Variants in DOCK3 observed in about 807,000 individuals in gnomAD.
The protein encoded by DOCK3 is dedicator of cytokinesis 3.
A neutral mutation model predicts 265.6 loss-of-function variants in DOCK3; 60 were observed. The ratio of observed to expected loss-of-function variants is 0.23; its 90% confidence interval spans 0.18 to 0.28. The LOEUF (loss-of-function observed/expected upper bound fraction) is 0.28, where lower values mean the gene tolerates loss of function less well. Among genes scored for constraint, DOCK3 ranks in the 10% least tolerant of loss-of-function variants. The pLI is 1.00. For missense variants in DOCK3, 1,981 were observed against 2,594.3 expected (o/e 0.76, Z 5.14); for synonymous variants, 881 against 938.0 (o/e 0.94, Z 1.11).
At chr3:50,970,891 TTATATATATATATA>T (rs55749209) in intron 5 of DOCK3, among the ~76,000 whole-genome samples, 21 of 12,160 alleles carry the variant, frequency 1.7e-3, no homozygotes, top group Non-Finnish European at 2.5e-3. Flanking sequence ...CATCTAATTT[TTATATATATATATA>T]TATATATATA....
At chr3:51,142,543 C>G (rs2085110428) in intron 9 of DOCK3, among the ~76,000 whole-genome samples, 1 of 152,038 alleles carries the variant, frequency 6.6e-6, no homozygotes, top group Admixed American at 6.6e-5. Context: ...TTTTGAGATT[C>G]ATCCATATTA....
chr3:50,956,520 C>T (rs755490727), intron 5 of DOCK3, among the ~76,000 whole-genome samples: 22 of 152,332 alleles, frequency 1.4e-4, no homozygotes, highest in Admixed American at 3.9e-4. Flanking sequence ...TATACCACTA[C>T]ATACTTTTGT....
intron 12 of DOCK3, among the ~76,000 whole-genome samples, chr3:51,203,820 T>C (rs1207140693): frequency 1.3e-5 from 2 of 152,100 alleles, no homozygotes; most frequent in Admixed American, 1.3e-4. Flanking sequence ...AACAGAGATA[T>C]AGATCAATGG....
At chr3:51,297,260 G>A (rs895019308) in intron 27 of DOCK3, among the ~76,000 whole-genome samples, 13 of 151,926 alleles carry the variant, frequency 8.6e-5, no homozygotes, top group African/African-American at 3.1e-4. Flanking sequence ...AGAAAATGTA[G>A]TATATCTTGT....
intron 4 of DOCK3, among the ~76,000 whole-genome samples, chr3:50,917,372 G>C: frequency 6.6e-6 from 1 of 151,998 alleles, no homozygotes; most frequent in African/African-American, 2.4e-5. Flanking sequence ...GGTTAATTCA[G>C]TTGCTTTAAT....
At chr3:51,270,406 T>C (rs1303452799) in intron 23 of DOCK3, among the ~76,000 whole-genome samples, 8 of 152,216 alleles carry the variant, frequency 5.3e-5, no homozygotes, top group Non-Finnish European at 7.3e-5. Flanking sequence ...AACTCAGCTC[T>C]CTCTGCCATA....
At chr3:50,760,823 C>T (rs902351470) in intron 1 of DOCK3, among the ~76,000 whole-genome samples, 6 of 149,938 alleles carry the variant, frequency 4.0e-5, no homozygotes, top group Non-Finnish European at 7.4e-5. Context: ...TGCTCTGTCT[C>T]TCAGGCGGAG....
At chr3:50,927,989 T>A (rs1211350561) in intron 4 of DOCK3, among the ~76,000 whole-genome samples, 17 of 151,970 alleles carry the variant, frequency 1.1e-4, no homozygotes, top group Admixed American at 1.1e-3. Flanking sequence ...GGACTGTTTT[T>A]TTCCCCTGAC....
At chr3:51,250,144 G>C (rs969162214) in intron 22 of DOCK3, among the ~76,000 whole-genome samples, 2 of 151,660 alleles carry the variant, frequency 1.3e-5, no homozygotes, top group Non-Finnish European at 2.9e-5. Flanking sequence ...GCGGAAGGCC[G>C]CAGGGTCCTC....
At chr3:50,798,027 A>C (rs1488360701) in intron 2 of DOCK3, among the ~76,000 whole-genome samples, 1 of 152,246 alleles carries the variant, frequency 6.6e-6, no homozygotes, top group Non-Finnish European at 1.5e-5. Context: ...TGAACAGAGA[A>C]AGAATAGCTC....
At chr3:50,796,618 G>A (rs1025368252) in intron 2 of DOCK3, among the ~76,000 whole-genome samples, 21 of 152,332 alleles carry the variant, frequency 1.4e-4, no homozygotes, top group Non-Finnish European at 2.2e-4. Context: ...GATTACAGGC[G>A]TGAGCCACCG....
In DOCK3 at chr3:50,841,664, CT is replaced by C; in HGVS notation, c.122-8del. ...ATTGTGATTTTAATATTCTCTTATG[CT>C]TTGTTTTAGGTTGGTACAGAGGAGT... On this transcript the variant is annotated splice_polypyrimidine_tract_variant and intron_variant, in intron 2 of 52. Transcript: ENST00000266037. 7.5e-7 allele frequency: 1 copy of C among 1,329,316 alleles called. No homozygotes were observed. Among genetic ancestry groups the C allele is most frequent in the Non-Finnish European group, 1.0e-6 (1 of 1,000,974 alleles). 82.3% of individuals were successfully genotyped at this position (1,329,316 alleles called of 1,614,324 possible).
At chr3:51,154,522 T>C (rs1190177480) in intron 10 of DOCK3, among the ~76,000 whole-genome samples, 1 of 152,236 alleles carries the variant, frequency 6.6e-6, no homozygotes, top group Non-Finnish European at 1.5e-5. Flanking sequence ...GAGGTGGTTT[T>C]GTAGGACCTC....
intron 5 of DOCK3, among the ~76,000 whole-genome samples, chr3:51,050,891 A>G (rs1417195646): frequency 1.3e-5 from 2 of 152,212 alleles, no homozygotes; most frequent in African/African-American, 4.8e-5. Context: ...CACGTATAGC[A>G]TTATATGATT....
chr3:51,087,561 A>G (rs1317713368), intron 7 of DOCK3, among the ~76,000 whole-genome samples: 1 of 152,208 alleles, frequency 6.6e-6, no homozygotes, highest in Non-Finnish European at 1.5e-5. Context: ...ACTTTCCTCT[A>G]AGACTGGAAC....
At chr3:51,116,460 A>AAG (rs1250356052) in intron 9 of DOCK3, among the ~76,000 whole-genome samples, 1 of 151,416 alleles carries the variant, frequency 6.6e-6, no homozygotes, top group Non-Finnish European at 1.5e-5. Context: ...CAAAAAAAAA[A>AAG]AAAAAAAAAA....
chr3:51,210,095 G>T (rs1296360077), intron 13 of DOCK3, among the ~76,000 whole-genome samples: 2 of 152,156 alleles, frequency 1.3e-5, no homozygotes. Flanking sequence ...ATAAAGAGGT[G>T]CCCTTGACTA....
At chr3:50,740,294 A>G (rs571941986) in intron 1 of DOCK3, among the ~76,000 whole-genome samples, 6 of 152,052 alleles carry the variant, frequency 3.9e-5, no homozygotes, top group African/African-American at 1.4e-4. Context: ...ATTATTACCA[A>G]TTTTTTTGCT....
chr3:50,744,734 C>T (rs2039313830), intron 1 of DOCK3, among the ~76,000 whole-genome samples: 1 of 152,148 alleles, frequency 6.6e-6, no homozygotes, highest in African/African-American at 2.4e-5. Flanking sequence ...TGTATCTGGC[C>T]TTCAGTTAAT....
Sources: gnomAD v4.1 joint callset for allele counts (sites outside exome capture counted in the v4.1 genomes callset) on GRCh38, gnomAD v4.1.1 for gene constraint, MANE v1.5 for transcripts, NCBI Gene and HGNC (gene_info 2026-07-23, HGNC 2026-07-21) for gene names.